The following UNC13C variants were observed in gnomAD, a reference collection of about 807,000 sequenced individuals.
UNC13C encodes protein unc-13 homolog C.
UNC13C carries 174 observed loss-of-function variants against 245.4 expected under a neutral mutation model. That is an observed-to-expected ratio of 0.71 (90% CI 0.63 to 0.80). UNC13C has a LOEUF of 0.80. Among genes scored for constraint, UNC13C ranks in the 30% least tolerant of loss-of-function variants. The pLI is 0.00. For missense variants in UNC13C, 2,829 were observed against 2,602.9 expected (o/e 1.09, Z -1.89); for synonymous variants, 992 against 895.1 (o/e 1.11, Z -1.93).
rs76062035 is a variant in UNC13C at position 54,143,668 on chromosome 15, C to T, written c.3055C>T (p.Leu1019Phe). The T allele has an allele frequency of 1.2e-6, 2 of 1,613,204 alleles. No homozygotes were observed. Among genetic ancestry groups the T allele is most frequent in the Non-Finnish European group, 8.5e-7 (1 of 1,179,324 alleles). Residue 1019 changes from leucine to phenylalanine, a missense_variant, in exon 4 of 33, where the codon CTC (leucine) becomes TTC (phenylalanine). By Grantham distance (22) the Leu-to-Phe change is conservative. Coordinates refer to ENST00000260323, the MANE Select transcript of UNC13C (RefSeq NM_001080534.3). ...NDLDASKFSA[L>F]QVCGGAGGGL... ...TTTGGATGCTTCCAAATTTTCTGCA[C>T]TCCAGGTGTGTGGTGGGTAAGTACC...
rs1267006998 is a variant in UNC13C at position 54,237,537 on chromosome 15, C to T, written c.3157-82C>T. 3.8e-6 allele frequency: 4 copies of T among 1,039,110 alleles called. No homozygotes were observed. The African/African-American group carries it at 4.7e-5, about 12-fold the overall frequency. The allele number at this position is 1,039,110 out of a possible 1,614,324, so 64.4% of individuals were successfully genotyped here. On this transcript the variant is annotated intron_variant, in intron 6 of 32. Coordinates refer to ENST00000260323, the MANE Select transcript of UNC13C (RefSeq NM_001080534.3). ...AATATGAACAGTGATAGCCCATATT[C>T]TTGCATTTTCACCTTCTGCTGAGCA...
chr15:54,249,456 C>G (rs1024423282), intron 7 of UNC13C, among the ~76,000 whole-genome samples: 1 of 152,152 alleles, frequency 6.6e-6, no homozygotes, highest in African/African-American at 2.4e-5. Flanking sequence ...AAATGTACCT[C>G]TACTATGTTC....
intron 19 of UNC13C, among the ~76,000 whole-genome samples, chr15:54,450,903 A>T (rs1891136894): frequency 6.6e-6 from 1 of 152,114 alleles, no homozygotes; most frequent in Non-Finnish European, 1.5e-5. Flanking sequence ...CTATTTGGCC[A>T]TCTTGGAACC....
intron 2 of UNC13C, among the ~76,000 whole-genome samples, chr15:54,073,877 A>G (rs7170053): frequency 0.88 from 133,628 of 152,182 alleles, 59,568 homozygotes; most frequent in Non-Finnish European, 0.96. Flanking sequence ...AAGCTCTTTC[A>G]TTTAATTAGA....
At chr15:53,969,015 A>G in the UNC13C span, among the ~76,000 whole-genome samples, 1 of 152,112 alleles carries the variant, frequency 6.6e-6, no homozygotes, top group Non-Finnish European at 1.5e-5. Context: ...AACCTTCCTT[A>G]CTATTAAAGT....
At chr15:54,316,822 C>T (rs749057837) in intron 13 of UNC13C, among the ~76,000 whole-genome samples, 23 of 151,940 alleles carry the variant, frequency 1.5e-4, no homozygotes, top group Non-Finnish European at 3.1e-4. Context: ...CCCTGCACCT[C>T]CAAGCCTGCT....
intron 8 of UNC13C, among the ~76,000 whole-genome samples, chr15:54,250,749 CTTTTTTT>C (rs1296024773): frequency 2.3e-5 from 2 of 88,868 alleles, no homozygotes; most frequent in Non-Finnish European, 4.5e-5. Context: ...TTCTTTCTTT[CTTTTTTT>C]TTTTTTTTTT....
chr15:53,931,497 C>T, the UNC13C span, among the ~76,000 whole-genome samples: 1 of 151,966 alleles, frequency 6.6e-6, no homozygotes, highest in Non-Finnish European at 1.5e-5. Flanking sequence ...ATAATGCTTG[C>T]ATTACAAGGT....
At chr15:54,445,859 TC>T (rs978995005) in intron 19 of UNC13C, among the ~76,000 whole-genome samples, 59 of 152,344 alleles carry the variant, frequency 3.9e-4, no homozygotes, top group African/African-American at 1.4e-3. Flanking sequence ...AGACATGAAG[TC>T]CTTGCCCATG....
At chr15:54,544,192 AAC>A (rs147762957) in intron 26 of UNC13C, among the ~76,000 whole-genome samples, 5,629 of 152,274 alleles carry the variant, frequency 0.037, 316 homozygotes, top group African/African-American at 0.13. Flanking sequence ...AGCAACTTAA[AAC>A]ACATGATTAT....
chr15:54,283,850 T>C (rs1438086900), intron 10 of UNC13C, among the ~76,000 whole-genome samples: 1 of 152,170 alleles, frequency 6.6e-6, no homozygotes, highest in Non-Finnish European at 1.5e-5. Context: ...TGCTAGTGAG[T>C]GGCTCCAATG....
At chr15:54,233,709 A>G (rs148802542) in intron 4 of UNC13C, among the ~76,000 whole-genome samples, 32 of 152,286 alleles carry the variant, frequency 2.1e-4, no homozygotes, top group African/African-American at 7.5e-4. Flanking sequence ...ATATTAAGCT[A>G]AGCAGCAAGA....
intron 25 of UNC13C, among the ~76,000 whole-genome samples, chr15:54,531,691 A>G (rs929103691): frequency 6.6e-6 from 1 of 151,912 alleles, no homozygotes; most frequent in African/African-American, 2.4e-5. Flanking sequence ...TTCACATACC[A>G]TAAAATTCTC....
At chr15:54,390,164 A>C (rs2039924444) in intron 17 of UNC13C, among the ~76,000 whole-genome samples, 1 of 152,352 alleles carries the variant, frequency 6.6e-6, no homozygotes, top group Admixed American at 6.5e-5. Flanking sequence ...CAGTTTTAAA[A>C]GTATTGTATA....
At chr15:54,552,658 A>C (rs1229485292) in intron 28 of UNC13C, among the ~76,000 whole-genome samples, 1 of 72,150 alleles carries the variant, frequency 1.4e-5, no homozygotes, top group Non-Finnish European at 2.3e-5. Flanking sequence ...ATATAATTAT[A>C]TTATATTGTA....
intron 18 of UNC13C, among the ~76,000 whole-genome samples, chr15:54,396,043 T>TAAG (rs2040062679): frequency 6.6e-6 from 1 of 151,646 alleles, no homozygotes. Flanking sequence ...CAGAGTACTT[T>TAAG]CAGATTTAGG....
chr15:54,627,236 C>A lies in UNC13C; in HGVS notation c.*123C>A. 1 of 1,050,050 alleles carries A rather than the reference C, an allele frequency of 9.5e-7. No homozygotes were observed. Among genetic ancestry groups the A allele is most frequent in the Non-Finnish European group, 1.3e-6 (1 of 762,320 alleles). The allele number at this position is 1,050,050 out of a possible 1,614,324, so 65.0% of individuals were successfully genotyped here. ...TGCCAGTACTCATGTACGATGTCTACAAGGTATGTAAAAAACCTGCTGAAC... is the reference window on the plus strand; with the variant it reads ...TGCCAGTACTCATGTACGATGTCTAAAAGGTATGTAAAAAACCTGCTGAAC... On this transcript the variant is annotated 3_prime_UTR_variant, in exon 33 of 33. Coordinates refer to ENST00000260323, the MANE Select transcript of UNC13C (RefSeq NM_001080534.3).
At chr15:53,905,987 C>T in the UNC13C span, among the ~76,000 whole-genome samples, 1 of 152,148 alleles carries the variant, frequency 6.6e-6, no homozygotes, top group Non-Finnish European at 1.5e-5. Flanking sequence ...ATCCCAAGCT[C>T]TTGCCAGGAT....
At chr15:54,280,427 AAATACT>A (rs2036946123) in intron 10 of UNC13C, among the ~76,000 whole-genome samples, 1 of 151,640 alleles carries the variant, frequency 6.6e-6, no homozygotes, top group South Asian at 2.1e-4. Context: ...TTTTAAAGGC[AAATACT>A]AATACTAAAT....
Sources: allele counts gnomAD v4.1 joint callset (sites outside exome capture counted in the v4.1 genomes callset), GRCh38; gene constraint gnomAD v4.1.1; transcripts MANE v1.5; gene names NCBI Gene and HGNC (gene_info 2026-07-23, HGNC 2026-07-21).